Variants in ESRRG observed in about 807,000 individuals in gnomAD.
ESRRG encodes the protein estrogen-related receptor gamma.
ESRRG carries 13 observed loss-of-function variants against 44.0 expected under a neutral mutation model. The observed-to-expected ratio is 0.30, with a 90% CI of 0.19 to 0.47. The LOEUF (loss-of-function observed/expected upper bound fraction) is 0.47, where lower values mean the gene tolerates loss of function less well. Among genes scored for constraint, ESRRG ranks in the 20% least tolerant of loss-of-function variants. The pLI is 1.00. For missense variants in ESRRG, 395 were observed against 580.6 expected, an observed-to-expected ratio of 0.68 and a Z score of 3.29; for synonymous variants, 215 against 214.6, an observed-to-expected ratio of 1.00 and a Z score of -0.02.
At chr1:217,039,150 G>T (rs2083408118) in intron 1 of ESRRG, among the ~76,000 whole-genome samples, 1 of 152,080 alleles carries the variant, frequency 6.6e-6, no homozygotes, top group African/African-American at 2.4e-5. Flanking sequence ...CAGCATTTTT[G>T]TCAAAACCAT....
At chr1:216,858,176 G>A (rs1313366522) in intron 2 of ESRRG, among the ~76,000 whole-genome samples, 6 of 150,962 alleles carry the variant, frequency 4.0e-5, no homozygotes, top group African/African-American at 9.8e-5. Context: ...AGTGGCTCAC[G>A]CCTGTAATCC....
chr1:217,011,126 T>A (rs1339223), intron 1 of ESRRG, among the ~76,000 whole-genome samples: 1 of 152,090 alleles, frequency 6.6e-6, no homozygotes, highest in Non-Finnish European at 1.5e-5. Flanking sequence ...TGTGTACATA[T>A]GTGTGAAGTC....
intron 1 of ESRRG, among the ~76,000 whole-genome samples, chr1:216,949,814 A>G (rs2066658652): frequency 6.7e-6 from 1 of 149,490 alleles, no homozygotes; most frequent in Non-Finnish European, 1.5e-5. Context: ...CTTTTTCCAA[A>G]CTTTTTTTTT....
chr1:216,560,610 T>G (rs994539778), intron 5 of ESRRG, among the ~76,000 whole-genome samples: 6 of 152,126 alleles, frequency 3.9e-5, no homozygotes, highest in Non-Finnish European at 7.3e-5. Flanking sequence ...CAATAATAGA[T>G]CTGACTGTTG....
chr1:216,763,959 G>C (rs1015459331), intron 2 of ESRRG, among the ~76,000 whole-genome samples: 2 of 152,026 alleles, frequency 1.3e-5, no homozygotes, highest in African/African-American at 4.8e-5. Flanking sequence ...GACTAATCTG[G>C]GGAAAAAAAG....
intron 6 of ESRRG, among the ~76,000 whole-genome samples, chr1:216,508,486 G>C (rs1377586722): frequency 6.6e-6 from 1 of 152,158 alleles, no homozygotes; most frequent in African/African-American, 2.4e-5. Context: ...AGAGCAAAAA[G>C]AAGGAATTTT....
chr1:217,052,786 G>A (rs1364188075), intron 1 of ESRRG, among the ~76,000 whole-genome samples: 7 of 152,138 alleles, frequency 4.6e-5, no homozygotes, highest in East Asian at 1.9e-4. Flanking sequence ...CAACAGCAGG[G>A]CATTCCTTAA....
chr1:216,511,061 A>T (rs1477180260), intron 6 of ESRRG, among the ~76,000 whole-genome samples: 1 of 152,134 alleles, frequency 6.6e-6, no homozygotes, highest in Non-Finnish European at 1.5e-5. Flanking sequence ...TTCAGAGTCG[A>T]GCCTAGTATA....
At chr1:216,954,480 C>T (rs2067568522) in intron 1 of ESRRG, among the ~76,000 whole-genome samples, 1 of 152,044 alleles carries the variant, frequency 6.6e-6, no homozygotes, top group African/African-American at 2.4e-5. Context: ...TGAATCTTGG[C>T]CTCTTCTAGG....
chr1:216,740,855 G>A (rs939857634), intron 2 of ESRRG, among the ~76,000 whole-genome samples: 2 of 151,700 alleles, frequency 1.3e-5, no homozygotes, highest in African/African-American at 4.8e-5. Context: ...GACATTTATT[G>A]GAGTGGCTTT....
intron 2 of ESRRG, among the ~76,000 whole-genome samples, chr1:216,731,224 T>C (rs148821656): frequency 1.4e-3 from 210 of 152,332 alleles, no homozygotes; most frequent in African/African-American, 4.8e-3. Context: ...CTTTTCATTA[T>C]CTAAAGATTT....
At chr1:216,723,539 C>G (rs1294747558), upstream of ESRRG, 5 of 514,628 alleles carry the variant, frequency 9.7e-6, no homozygotes, top group Middle Eastern at 1.0e-3. Flanking sequence ...ATTGGGGGGC[C>G]TCTGCCCAAT....
chr1:216,588,393 A>G (rs1177430526), intron 3 of ESRRG, among the ~76,000 whole-genome samples: 1 of 152,190 alleles, frequency 6.6e-6, no homozygotes, highest in Non-Finnish European at 1.5e-5. Context: ...GGCAATCTGG[A>G]CTGTTTTTAT....
In ESRRG at chr1:217,127,828, C is replaced by T. The variant is rs564737333; in HGVS notation, c.-230+9839G>A. Among the ~76,000 whole-genome samples the T allele has an allele frequency of 1.1e-4, 16 of 152,202 alleles. No homozygotes were observed. In the East Asian group the frequency reaches 3.1e-3, roughly 29 times the overall value. On this transcript the variant is annotated intron_variant, in intron 1 of 8. Transcript: ENST00000366940. ...AATATCTGGTAGAATGTAAGAGCTACGTTAAAAAGGAAACACACTAAAGCT... is the reference window on the plus strand; with the variant it reads ...AATATCTGGTAGAATGTAAGAGCTATGTTAAAAAGGAAACACACTAAAGCT...
intron 1 of ESRRG, among the ~76,000 whole-genome samples, chr1:217,024,318 A>G (rs1408019025): frequency 9.2e-5 from 14 of 151,610 alleles, no homozygotes; most frequent in Non-Finnish European, 2.9e-5. Context: ...AGATTGCACC[A>G]CTGCACTCCA....
intron 2 of ESRRG, among the ~76,000 whole-genome samples, chr1:216,657,546 C>T (rs571112151): frequency 1.3e-5 from 2 of 152,218 alleles, no homozygotes; most frequent in African/African-American, 4.8e-5. Context: ...TTTAAGTCTA[C>T]CCTTAAAGGT....
In ESRRG at chr1:216,895,924, AG is replaced by A. The variant is rs11572524; in HGVS notation, c.-14+43657del. On this transcript the variant is annotated intron_variant, in intron 2 of 7. Transcript: ENST00000359162. ...ACTTAACCATAAAAGACACAAAAAT[AG>A]GTTTCCTTGCTTTCTCTTTAACTAG... Among the ~76,000 whole-genome samples the A allele has an allele frequency of 3.8e-3, 586 of 152,334 alleles. 6 individuals are homozygous for A. Among genetic ancestry groups the A allele is most frequent in the African/African-American group, 0.014 (569 of 41,588 alleles).
intron 1 of ESRRG, among the ~76,000 whole-genome samples, chr1:217,033,215 T>C (rs1013454296): frequency 6.6e-6 from 1 of 152,206 alleles, no homozygotes; most frequent in Non-Finnish European, 1.5e-5. Context: ...AAAGTTCTGC[T>C]GTGTCCTAGC....
chr1:217,002,436 T>C (rs1312414488), intron 1 of ESRRG, among the ~76,000 whole-genome samples: 1 of 152,078 alleles, frequency 6.6e-6, no homozygotes, highest in African/African-American at 2.4e-5. Context: ...TTAGATTTTA[T>C]TCCCTACTCA....
Sources: gnomAD v4.1 joint callset for allele counts (sites outside exome capture counted in the v4.1 genomes callset) on GRCh38, gnomAD v4.1.1 for gene constraint, MANE v1.5 for transcripts, NCBI Gene and HGNC (gene_info 2026-07-23, HGNC 2026-07-21) for gene names.